The following PLB1 variants were observed in gnomAD, a reference collection of about 807,000 sequenced individuals.
PLB1 encodes phospholipase B1, membrane-associated.
PLB1 carries 242 observed loss-of-function variants against 227.4 expected under a neutral mutation model. The observed-to-expected ratio is 1.06, with a 90% CI of 0.96 to 1.18. PLB1 has a LOEUF of 1.18. Among genes scored for constraint, PLB1 ranks in the 50% most tolerant of loss-of-function variants. The pLI is 0.00. For synonymous variants in PLB1, 757 were observed against 682.2 expected (o/e 1.11, Z -1.71); for missense variants, 1,858 against 1,816.3 (o/e 1.02, Z -0.42).
chr2:28,589,565 C>T lies in PLB1; in HGVS notation c.1920+11C>T. 13 of 1,613,320 alleles carry T rather than the reference C, an allele frequency of 8.1e-6. No homozygotes were observed. The highest frequency in any genetic ancestry group is 1.1e-5 in the Non-Finnish European group (13 of 1,179,276). On this transcript the variant is annotated intron_variant, in intron 27 of 57. Transcript: ENST00000327757. ...ATGCCAAAGACCTCGGTAAAGAAAG[C>T]AAGCATCGTAGAAAAATAGAATCCA...
intron 22 of PLB1, among the ~76,000 whole-genome samples, chr2:28,578,698 C>G (rs186665053): frequency 2.0e-5 from 3 of 151,936 alleles, no homozygotes; most frequent in Non-Finnish European, 4.4e-5. Flanking sequence ...AATGAAAGCA[C>G]GGTCTCAATT....
At chr2:28,548,604 AC>A (rs1673679253) in intron 14 of PLB1, 2 of 526,512 alleles carry the variant, frequency 3.8e-6, no homozygotes, top group Non-Finnish European at 7.4e-6. Flanking sequence ...TATATATAAA[AC>A]CGATGCTGCT....
At chr2:28,528,492 G>A (rs1034809905) in intron 6 of PLB1, among the ~76,000 whole-genome samples, 31 of 152,336 alleles carry the variant, frequency 2.0e-4, no homozygotes, top group African/African-American at 6.7e-4. Context: ...CAGGAGAAGG[G>A]AGGGGGGCTG....
rs1208094346 is a variant in PLB1, at chr2:28,606,550, A to G, written c.3112A>G (p.Ile1038Val). The G allele has an allele frequency of 6.2e-7, 1 of 1,614,064 alleles. No homozygotes were observed. The highest frequency in any genetic ancestry group is 2.2e-5 in the East Asian group (1 of 44,878). Residue 1038 changes from isoleucine to valine, a missense_variant, in exon 43 of 58, where the codon ATC (isoleucine) becomes GTC (valine). Physicochemically the swap from Ile to Val is conservative, Grantham distance 29. Transcript: ENST00000327757. ...ETLDLRAEMP[I>V]TCPTQNEPFL... ...CCTGGACCTGAGAGCAGAGATGCCC[A>G]TCACCTGTCCCACTCAGGTAGTAGG...
intron 9 of PLB1, among the ~76,000 whole-genome samples, chr2:28,536,152 C>T (rs558055134): frequency 8.9e-4 from 136 of 152,350 alleles, no homozygotes; most frequent in African/African-American, 2.6e-3. Flanking sequence ...CCTGTGGAGA[C>T]CTTTGGGCTC....
rs1306118244 is a variant in PLB1, at chr2:28,644,127, A to C, written c.*1066A>C. Among the ~76,000 whole-genome samples the C allele has an allele frequency of 3.3e-5, 5 of 152,258 alleles. No homozygotes were observed. The highest frequency in any genetic ancestry group is 2.6e-4 in the Admixed American group (4 of 15,294). On this transcript the variant is annotated 3_prime_UTR_variant, in exon 58 of 58. Transcript: ENST00000327757. Reference sequence around the variant, plus strand: ...ATTTCACTTCAATAAAAAAGAATCCAGGGAGGTAGACATCATCTGCATTGT... The same window carrying C: ...ATTTCACTTCAATAAAAAAGAATCCCGGGAGGTAGACATCATCTGCATTGT...
intron 40 of PLB1, among the ~76,000 whole-genome samples, chr2:28,604,374 G>T (rs1469957002): frequency 6.6e-6 from 1 of 152,224 alleles, no homozygotes; most frequent in Admixed American, 6.5e-5. Flanking sequence ...GGCAGGTGCC[G>T]AGCCTCTGGA....
intron 56 of PLB1, 138 bp downstream of exon 56, chr2:28,633,177 C>CTGA: frequency 9.2e-6 from 6 of 655,502 alleles, no homozygotes; most frequent in Non-Finnish European, 1.6e-5. Context: ...CTTATTGGTC[C>CTGA]TGATAGATTA....
At chr2:28,518,393 C>T (rs1235557073) in intron 2 of PLB1, 73 bp from the exon 3 acceptor site, 3 of 1,163,266 alleles carry the variant, frequency 2.6e-6, no homozygotes, top group Non-Finnish European at 3.9e-6. Flanking sequence ...ATCATTTCTA[C>T]ACCAAGTTTT....
chr2:28,566,855 C>T lies in PLB1; in HGVS notation c.1324+16C>T, dbSNP rs759269940. 6.2e-7 allele frequency: 1 copy of T among 1,613,932 alleles called. No homozygotes were observed. The highest frequency in any genetic ancestry group is 8.5e-7 in the Non-Finnish European group (1 of 1,179,942). On this transcript the variant is annotated intron_variant, in intron 20 of 57. Coordinates refer to ENST00000327757, the MANE Select transcript of PLB1 (RefSeq NM_153021.5). Reference sequence around the variant, plus strand: ...ACCCTGGCGAGTGAGTACGCGGCGGCGGCCGGGATGTTTGGTTTGGGGCGG... The same window carrying T: ...ACCCTGGCGAGTGAGTACGCGGCGGTGGCCGGGATGTTTGGTTTGGGGCGG...
At chr2:28,617,303 TAGTGTC>T (rs796778845) in intron 44 of PLB1, among the ~76,000 whole-genome samples, 59 of 152,350 alleles carry the variant, frequency 3.9e-4, no homozygotes, top group African/African-American at 1.4e-3. Context: ...CCATTATAAT[TAGTGTC>T]AGTTAGCTTA....
intron 33 of PLB1, among the ~76,000 whole-genome samples, chr2:28,597,726 A>G (rs2148294093): frequency 6.6e-6 from 1 of 152,342 alleles, no homozygotes; most frequent in Non-Finnish European, 1.5e-5. Context: ...AATCTAGTGC[A>G]TGTCTGGGCA....
intron 6 of PLB1, among the ~76,000 whole-genome samples, chr2:28,528,941 CTTTT>C (rs201087238): frequency 2.4e-3 from 267 of 109,428 alleles, no homozygotes; most frequent in Middle Eastern, 0.014. Flanking sequence ...GGGAGTCAGT[CTTTT>C]TTTTTTTTTT....
At position 28,538,325 on chromosome 2, in the gene PLB1, C is replaced by G. The variant is rs1671982034; in HGVS notation, c.562C>G (p.Leu188Val). The G allele has an allele frequency of 6.2e-7, 1 of 1,613,872 alleles. No homozygotes were observed. The highest frequency in any genetic ancestry group is 1.3e-5 in the African/African-American group (1 of 74,906). Residue 188 changes from leucine to valine, a missense_variant, in exon 10 of 58, where the codon CTT (leucine) becomes GTT (valine). Leu to Val is a conservative substitution (Grantham distance 32). Transcript: ENST00000327757. Reference protein sequence around the residue: ...YLCPSAQQNGLAAGGVDELMG... With the variant: ...YLCPSAQQNGVAAGGVDELMG... ...CACGGTTCTCCTCTCACAGAATGGG[C>G]TTGCGGCGGGCGGCGTGGATGAGCT...
intron 56 of PLB1, 70 bp downstream of exon 56, chr2:28,633,109 T>C: frequency 1.5e-6 from 2 of 1,331,656 alleles, no homozygotes; most frequent in South Asian, 2.4e-5. Context: ...TGTCTCACAA[T>C]GGCAAAACTA....
In PLB1 at chr2:28,589,548, G is replaced by A. The variant is rs149261019; in HGVS notation, c.1914G>A (p.Lys638=). The A allele has an allele frequency of 2.5e-6, 4 of 1,614,110 alleles. No homozygotes were observed. The highest frequency in any genetic ancestry group is 3.4e-6 in the Non-Finnish European group (4 of 1,179,976). The change falls in exon 27 of 58, where the codon AAG becomes AAA. Residue 638 remains lysine (K), a synonymous_variant. Transcript: ENST00000327757. ...TCTTTGAAAACGTGGACATGCCAAA[G>A]ACCTCGGTAAAGAAAGCAAGCATCG... The part of the protein sequence containing the change: ...QPFFENVDMP[K]TSEGLPDNSF...
intron 33 of PLB1, 93 bp downstream of exon 33, chr2:28,593,847 G>A (rs988082820): frequency 4.2e-6 from 5 of 1,177,280 alleles, no homozygotes; most frequent in Non-Finnish European, 6.2e-6. Flanking sequence ...CCCAGAGGTC[G>A]AAGACTTGGT....
chr2:28,591,831 CCTGA>C, intron 31 of PLB1, 71 bp downstream of exon 31: 2 of 1,475,278 alleles, frequency 1.4e-6, no homozygotes, highest in Non-Finnish European at 1.9e-6. Context: ...AGTCCTCTGA[CCTGA>C]CTTTCACACT....
intron 7 of PLB1, 130 bp from the exon 8 acceptor site, chr2:28,529,598 C>A: frequency 2.9e-6 from 3 of 1,034,984 alleles, no homozygotes; most frequent in Admixed American, 2.3e-5. Context: ...CAGGTCAATG[C>A]CCACCCTTCA....
Sources: allele counts gnomAD v4.1 joint callset (sites outside exome capture counted in the v4.1 genomes callset), GRCh38; gene constraint gnomAD v4.1.1; transcripts MANE v1.5; gene names NCBI Gene and HGNC (gene_info 2026-07-23, HGNC 2026-07-21).